NAA11: variants seen among roughly 807,000 people sequenced by gnomAD.
NAA11 encodes the protein N-alpha-acetyltransferase 11.
In NAA11, 15 loss-of-function variants were observed where a neutral mutation model predicts 16.1. That is an observed-to-expected ratio of 0.93 (90% CI 0.62 to 1.44). The LOEUF is 1.44. Among genes scored for constraint, NAA11 ranks in the 40% most tolerant of loss-of-function variants. NAA11 has a pLI of 0.00. For missense variants in NAA11, 298 were observed against 291.3 expected, an observed-to-expected ratio of 1.02 and a Z score of -0.17; for synonymous variants, 122 against 112.4, an observed-to-expected ratio of 1.09 and a Z score of -0.54.
intron 2 of NAA11, among the ~76,000 whole-genome samples, chr4:79,267,581 A>G (rs1000057777): frequency 1.3e-5 from 2 of 152,128 alleles, no homozygotes; most frequent in Admixed American, 1.3e-4. Flanking sequence ...CTTCTTTACA[A>G]TGGAATCTCA....
At chr4:79,216,446 G>C in the NAA11 span, among the ~76,000 whole-genome samples, 1 of 151,938 alleles carries the variant, frequency 6.6e-6, no homozygotes, top group South Asian at 2.1e-4. Context: ...TTGGTGGGTA[G>C]AGTCAAAGTT....
chr4:79,250,772 A>G (rs1485191247), intron 2 of NAA11, among the ~76,000 whole-genome samples: 1 of 149,576 alleles, frequency 6.7e-6, no homozygotes, highest in East Asian at 2.0e-4. Flanking sequence ...ACTTAAACAA[A>G]ATTACAGGAA....
chr4:79,297,035 C>T (rs1156622090), intron 1 of NAA11, among the ~76,000 whole-genome samples: 1 of 152,174 alleles, frequency 6.6e-6, no homozygotes. Flanking sequence ...CCTTCTGTCC[C>T]TGAGCAGCAG....
chr4:79,301,199 T>C (rs1315440537), intron 1 of NAA11, among the ~76,000 whole-genome samples: 1 of 152,136 alleles, frequency 6.6e-6, no homozygotes, highest in Non-Finnish European at 1.5e-5. Context: ...GAATAAACAT[T>C]TCATATTATT....
chr4:79,183,081 G>C, the NAA11 span, among the ~76,000 whole-genome samples: 6 of 152,030 alleles, frequency 3.9e-5, no homozygotes, highest in Admixed American at 3.3e-4. Flanking sequence ...TCTGAACATA[G>C]AATTTACAGT....
chr4:79,311,386 C>T (rs1041316587), intron 1 of NAA11, among the ~76,000 whole-genome samples: 2 of 151,886 alleles, frequency 1.3e-5, no homozygotes, highest in African/African-American at 2.4e-5. Context: ...GTCTTTTTTT[C>T]ACCTTGCCTT....
At chr4:79,205,956 T>G in the NAA11 span, among the ~76,000 whole-genome samples, 1 of 70,336 alleles carries the variant, frequency 1.4e-5, no homozygotes, top group African/African-American at 2.9e-5. Context: ...TCTATTCTGT[T>G]GCATTGGTCT....
chr4:79,201,237 A>C, the NAA11 span, among the ~76,000 whole-genome samples: 1 of 151,590 alleles, frequency 6.6e-6, no homozygotes, highest in South Asian at 2.1e-4. Flanking sequence ...TCTTTGGGCA[A>C]ATTTCCTTAT....
At chr4:79,313,877 G>A (rs1299813265), downstream of NAA11, among the ~76,000 whole-genome samples, 2 of 152,186 alleles carry the variant, frequency 1.3e-5, no homozygotes, top group Non-Finnish European at 2.9e-5. Context: ...GAAGGACGTG[G>A]TTCCAGACAT....
chr4:79,264,852 T>A (rs1049771207), intron 2 of NAA11, among the ~76,000 whole-genome samples: 1 of 152,202 alleles, frequency 6.6e-6, no homozygotes, highest in African/African-American at 2.4e-5. Flanking sequence ...ATAGCTTTGA[T>A]GACTATCTCT....
chr4:79,193,720 G>A, the NAA11 span, among the ~76,000 whole-genome samples: 2 of 152,068 alleles, frequency 1.3e-5, no homozygotes, highest in Non-Finnish European at 2.9e-5. Flanking sequence ...CTCTTTTTTG[G>A]TTGCATATGA....
chr4:79,260,959 G>A (rs1440731019), intron 2 of NAA11, among the ~76,000 whole-genome samples: 1 of 152,142 alleles, frequency 6.6e-6, no homozygotes, highest in African/African-American at 2.4e-5. Flanking sequence ...AAAACCAATT[G>A]TAAATCCCCT....
In NAA11 at chr4:79,284,735, G is replaced by A. The variant is rs1482864185; in HGVS notation, c.*122+9270C>T. 5.0e-5 allele frequency among the ~76,000 whole-genome samples: 4 copies of A among 79,646 alleles called. 2 individuals carry two copies. Among genetic ancestry groups the A allele is most frequent in the African/African-American group, 3.5e-4 (4 of 11,574 alleles). The allele number at this position is 79,646 out of a possible 152,430, so 52.3% of individuals were successfully genotyped here. A position where few individuals can be genotyped will look rare whatever the true frequency, so the allele number is the denominator to read the frequency against. On this transcript the variant is annotated intron_variant and NMD_transcript_variant, in intron 2 of 2. Transcript: ENST00000511542. ...AATACAAAAAAAATTAGCCGGGCGC[G>A]GTGGCGGGCGCCTGTAGTCCCAGCT...
chr4:79,265,984 G>A (rs1420254681), intron 2 of NAA11, among the ~76,000 whole-genome samples: 4 of 152,122 alleles, frequency 2.6e-5, no homozygotes, highest in Non-Finnish European at 2.9e-5. Flanking sequence ...TTGGGTCCAT[G>A]CTTGGTCCTT....
intron 2 of NAA11, among the ~76,000 whole-genome samples, chr4:79,231,178 G>A (rs372168730): frequency 2.0e-5 from 3 of 151,912 alleles, no homozygotes; most frequent in Non-Finnish European, 4.4e-5. Flanking sequence ...TTTCAAGAAA[G>A]ACTAATTCTT....
intron 2 of NAA11, among the ~76,000 whole-genome samples, chr4:79,286,678 T>G (rs577871403): frequency 6.6e-6 from 1 of 152,184 alleles, no homozygotes; most frequent in East Asian, 1.9e-4. Context: ...AATAAGGGAT[T>G]TGTACTATAA....
At chr4:79,208,271 AAAAAT>A in the NAA11 span, among the ~76,000 whole-genome samples, 9 of 152,176 alleles carry the variant, frequency 5.9e-5, no homozygotes, top group African/African-American at 1.7e-4. Context: ...TTCTAATCTG[AAAAAT>A]AATACAATAA....
rs146451350 is a variant in NAA11 at position 79,253,844 on chromosome 4, G to A, written c.*123-27574C>T. On this transcript the variant is annotated intron_variant and NMD_transcript_variant, in intron 2 of 2. Transcript: ENST00000511542. ...CATGCCTAGACTTTTGAGTTTGAGA[G>A]GAGGACACATTGCCAGACTTTTATT... Among the ~76,000 whole-genome samples, 15 of 152,304 alleles carry A rather than the reference G, an allele frequency of 9.8e-5. No homozygotes were observed. In the East Asian group the frequency reaches 2.9e-3, roughly 29 times the overall value.
At chr4:79,181,091 GA>G in the NAA11 span, among the ~76,000 whole-genome samples, 1 of 152,046 alleles carries the variant, frequency 6.6e-6, no homozygotes, top group Non-Finnish European at 1.5e-5. Flanking sequence ...AGGGTGGAGG[GA>G]GGGGGAGGGA....
Sources: allele counts gnomAD v4.1 joint callset (sites outside exome capture counted in the v4.1 genomes callset), GRCh38; gene constraint gnomAD v4.1.1; transcripts MANE v1.5; gene names NCBI Gene and HGNC (gene_info 2026-07-23, HGNC 2026-07-21).